CAPZA2: variants seen among roughly 807,000 people sequenced by gnomAD.
The protein encoded by CAPZA2 is F-actin-capping protein subunit alpha-2.
A neutral mutation model predicts 44.0 loss-of-function variants in CAPZA2; 13 were observed. The ratio of observed to expected loss-of-function variants is 0.30; its 90% CI spans 0.19 to 0.47. CAPZA2 has a LOEUF of 0.47. Ranked by LOEUF, CAPZA2 falls within the 20% of genes least tolerant of loss-of-function variation. CAPZA2 has a pLI of 1.00. For synonymous variants in CAPZA2, 94 were observed against 108.2 expected (o/e 0.87, Z 0.81); for missense variants, 244 against 338.6 (o/e 0.72, Z 2.19).
chr7:116,904,587 G>T, intron 5 of CAPZA2: 1 of 490,234 alleles, frequency 2.0e-6, no homozygotes, highest in South Asian at 3.1e-5. Context: ...TAGAGAAATG[G>T]TTGTACCTTG....
intron 8 of CAPZA2, among the ~76,000 whole-genome samples, chr7:116,913,563 A>G (rs1411220987): frequency 6.6e-6 from 1 of 151,928 alleles, no homozygotes; most frequent in African/African-American, 2.4e-5. Context: ...TCTTTCACAC[A>G]TTCTTTCCCT....
At chr7:116,874,336 CTG>C (rs1796592572) in intron 1 of CAPZA2, 1 of 153,364 alleles carries the variant, frequency 6.5e-6, no homozygotes, top group Non-Finnish European at 1.5e-5. Flanking sequence ...CTTCCCATCA[CTG>C]TGGTAAATGT....
At chr7:116,879,855 G>A (rs541130785) in intron 1 of CAPZA2, among the ~76,000 whole-genome samples, 15 of 152,198 alleles carry the variant, frequency 9.9e-5, no homozygotes, top group South Asian at 4.2e-4. Context: ...GAATTTATTC[G>A]TGCTTATAGA....
intron 1 of CAPZA2, among the ~76,000 whole-genome samples, chr7:116,876,845 AGGCCCACATG>A (rs1378168073): frequency 6.6e-6 from 1 of 152,222 alleles, no homozygotes; most frequent in Non-Finnish European, 1.5e-5. Context: ...CACACCACGC[AGGCCCACATG>A]GGAGTTGTGC....
At chr7:116,882,450 A>G (rs1456560035) in intron 1 of CAPZA2, among the ~76,000 whole-genome samples, 2 of 152,142 alleles carry the variant, frequency 1.3e-5, no homozygotes, top group African/African-American at 2.4e-5. Flanking sequence ...CCATTATGGA[A>G]TGGGTTGCTT....
At chr7:116,887,845 ATTAAAG>A (rs966091160) in intron 1 of CAPZA2, among the ~76,000 whole-genome samples, 5 of 152,260 alleles carry the variant, frequency 3.3e-5, no homozygotes, top group African/African-American at 4.8e-5. Context: ...AAAATAAAAA[ATTAAAG>A]TTAAATAAAA....
intron 1 of CAPZA2, among the ~76,000 whole-genome samples, chr7:116,868,563 T>C (rs1796510750): frequency 6.6e-6 from 1 of 152,158 alleles, no homozygotes; most frequent in Non-Finnish European, 1.5e-5. Flanking sequence ...TGAAACCCTG[T>C]CTGTACTAAA....
At chr7:116,917,399 C>T (rs550997001) in intron 9 of CAPZA2, among the ~76,000 whole-genome samples, 5 of 152,152 alleles carry the variant, frequency 3.3e-5, no homozygotes, top group South Asian at 2.1e-4. Context: ...GGACTACAGA[C>T]GCCCGCCACC....
At chr7:116,911,308 A>G (rs1355891581) in intron 7 of CAPZA2, among the ~76,000 whole-genome samples, 2 of 152,210 alleles carry the variant, frequency 1.3e-5, no homozygotes, top group African/African-American at 4.8e-5. Context: ...CACTGCCATC[A>G]AAAAGATAGT....
chr7:116,908,097 A>G (rs893860776), intron 6 of CAPZA2, among the ~76,000 whole-genome samples: 1 of 89,410 alleles, frequency 1.1e-5, no homozygotes, highest in African/African-American at 3.7e-5. Flanking sequence ...CATCTCTAGG[A>G]AAAAAAAAAA....
At chr7:116,876,344 A>T (rs1364498495) in intron 1 of CAPZA2, 3 of 151,824 alleles carry the variant, frequency 2.0e-5, no homozygotes, top group African/African-American at 7.3e-5. Flanking sequence ...CCTATGAAGG[A>T]ACTTCATTTT....
rs570156470 is a variant in CAPZA2 at position 116,914,016 on chromosome 7, T to C, written c.657+1876T>C. Among the ~76,000 whole-genome samples, 7 of 151,078 alleles carry C rather than the reference T, an allele frequency of 4.6e-5. No homozygotes were observed. In the East Asian group the frequency reaches 7.8e-4, roughly 17 times the overall value. On this transcript the variant is annotated intron_variant, in intron 8 of 9. Coordinates refer to ENST00000361183, the MANE Select transcript of CAPZA2 (RefSeq NM_006136.3). ...ACTGCTTATATACAATTTACAGATA[T>C]TAAAGAAAATTTTTTTTTTTTTTTT...
chr7:116,899,733 C>A (rs1418459778), intron 4 of CAPZA2, among the ~76,000 whole-genome samples: 1 of 148,608 alleles, frequency 6.7e-6, no homozygotes, highest in African/African-American at 2.5e-5. Flanking sequence ...CTTATATTAA[C>A]AATTTTTTTG....
chr7:116,906,245 A>G lies in CAPZA2; in HGVS notation c.427-18A>G, dbSNP rs375392050. ...TGGCCCTAAATTCATTCTTATGCTT[A>G]TTTTCTTTGCCAATAAGGTGTATGG... On this transcript the variant is annotated intron_variant, in intron 5 of 9. Coordinates refer to ENST00000361183, the MANE Select transcript of CAPZA2 (RefSeq NM_006136.3). 1.2e-6 allele frequency: 2 copies of G among 1,605,012 alleles called. No individual in the cohort carries two copies. Among genetic ancestry groups the G allele is most frequent in the Non-Finnish European group, 1.7e-6 (2 of 1,178,216 alleles).
At chr7:116,901,881 A>ATATGTGTGTGTGTGTGTGTGTGTGTGTG (rs375500363) in intron 4 of CAPZA2, among the ~76,000 whole-genome samples, 1 of 140,820 alleles carries the variant, frequency 7.1e-6, no homozygotes, top group African/African-American at 2.6e-5. Flanking sequence ...TAACGAAGAA[A>ATATGTGTGTGTGTGTGTGTGTGTGTGTG]TGTGTGTGTG....
chr7:116,890,946 G>A (rs1378309626), intron 2 of CAPZA2, among the ~76,000 whole-genome samples: 1 of 152,032 alleles, frequency 6.6e-6, no homozygotes, highest in African/African-American at 2.4e-5. Context: ...TTAACAGTTA[G>A]ATGGTTCCCA....
intron 1 of CAPZA2, among the ~76,000 whole-genome samples, chr7:116,868,092 G>C (rs1796505597): frequency 6.6e-6 from 1 of 152,102 alleles, no homozygotes; most frequent in African/African-American, 2.4e-5. Context: ...CTGCTCCCAG[G>C]TCTGTCCCCT....
intron 7 of CAPZA2, among the ~76,000 whole-genome samples, chr7:116,911,435 G>A (rs1479634273): frequency 6.6e-6 from 1 of 152,100 alleles, no homozygotes; most frequent in African/African-American, 2.4e-5. Flanking sequence ...AGAGTTGACT[G>A]GTTTGCTACC....
At chr7:116,877,835 G>A (rs939068127) in intron 1 of CAPZA2, among the ~76,000 whole-genome samples, 24 of 152,262 alleles carry the variant, frequency 1.6e-4, no homozygotes, top group African/African-American at 5.8e-4. Context: ...ATCAGAATTT[G>A]CATTGAAAAA....
Sources: gnomAD v4.1 joint callset for allele counts (sites outside exome capture counted in the v4.1 genomes callset) on GRCh38, gnomAD v4.1.1 for gene constraint, MANE v1.5 for transcripts, NCBI Gene and HGNC (gene_info 2026-07-23, HGNC 2026-07-21) for gene names.